FMN2: variants seen among roughly 807,000 people sequenced by gnomAD.
The protein encoded by FMN2 is formin-2.
FMN2 carries 51 observed loss-of-function variants against 142.3 expected under a neutral mutation model. The ratio of observed to expected loss-of-function variants is 0.36; its 90% CI spans 0.29 to 0.45. FMN2 has a LOEUF of 0.45. Among genes scored for constraint, FMN2 ranks in the 20% least tolerant of loss-of-function variants. The pLI is 1.00. For missense variants in FMN2, 1,936 were observed against 2,122.8 expected (o/e 0.91, Z 1.73); for synonymous variants, 882 against 869.8 (o/e 1.01, Z -0.25).
chr1:240,126,364 A>ACCC (rs367989696), intron 2 of FMN2, among the ~76,000 whole-genome samples: 31 of 129,696 alleles, frequency 2.4e-4, no homozygotes, highest in African/African-American at 8.1e-4. Context: ...CTTCCTACCT[A>ACCC]CCCCCCCCCA....
At chr1:240,413,869 C>T (rs1489721575) in intron 15 of FMN2, among the ~76,000 whole-genome samples, 1 of 152,170 alleles carries the variant, frequency 6.6e-6, no homozygotes, top group Non-Finnish European at 1.5e-5. Flanking sequence ...TTGTTCTCTG[C>T]CTTAACAACT....
chr1:240,455,255 G>A (rs1193986974), intron 16 of FMN2, among the ~76,000 whole-genome samples: 1 of 134,794 alleles, frequency 7.4e-6, no homozygotes, highest in African/African-American at 2.7e-5. Flanking sequence ...GCGAGTTTCG[G>A]CCAGGTGTGG....
At chr1:240,140,114 T>G (rs1012888713) in intron 2 of FMN2, among the ~76,000 whole-genome samples, 1 of 151,788 alleles carries the variant, frequency 6.6e-6, no homozygotes, top group Non-Finnish European at 1.5e-5. Context: ...TACTCTCACT[T>G]TCTTTCTTCC....
At chr1:240,377,377 C>T (rs1673082676) in intron 14 of FMN2, among the ~76,000 whole-genome samples, 1 of 151,696 alleles carries the variant, frequency 6.6e-6, no homozygotes, top group Non-Finnish European at 1.5e-5. Context: ...TAGTTTCTGA[C>T]AAGGAATCTA....
intron 13 of FMN2, among the ~76,000 whole-genome samples, chr1:240,337,433 G>T (rs1238283240): frequency 6.6e-6 from 1 of 151,960 alleles, no homozygotes; most frequent in African/African-American, 2.4e-5. Context: ...GGCCAGGCTG[G>T]TCTCGAACTC....
At chr1:240,295,146 A>G (rs1483065976) in intron 8 of FMN2, among the ~76,000 whole-genome samples, 4 of 151,708 alleles carry the variant, frequency 2.6e-5, no homozygotes, top group Admixed American at 6.6e-5. Context: ...AATAGTACTG[A>G]TGTGGGGGCT....
At chr1:240,389,718 G>A (rs546148487) in intron 14 of FMN2, among the ~76,000 whole-genome samples, 2 of 152,268 alleles carry the variant, frequency 1.3e-5, no homozygotes, top group African/African-American at 2.4e-5. Flanking sequence ...TTGAGAGACC[G>A]AGACGGAAGG....
At chr1:240,185,967 T>C (rs750217728) in intron 3 of FMN2, among the ~76,000 whole-genome samples, 5 of 152,206 alleles carry the variant, frequency 3.3e-5, no homozygotes, top group Non-Finnish European at 7.3e-5. Flanking sequence ...TGGTGTTAAG[T>C]TCAGAGTAGA....
chr1:240,293,613 A>G (rs1325050576), intron 7 of FMN2, among the ~76,000 whole-genome samples: 2 of 152,168 alleles, frequency 1.3e-5, no homozygotes, highest in African/African-American at 2.4e-5. Flanking sequence ...GAAACATTAA[A>G]GTTCACGATA....
rs982346467 is a variant in FMN2 at position 240,146,367 on chromosome 1, C to T, written c.1782+23022C>T. On this transcript the variant is annotated intron_variant, in intron 2 of 17. Transcript: ENST00000319653. ...TGAGATTGTGCCACTGCACTCCAGC[C>T]TGGGCGACAGAGCAAGACTCTGTCT... 4.8e-4 allele frequency among the ~76,000 whole-genome samples: 61 copies of T among 125,936 alleles called. 1 individual carries two copies. The highest frequency in any genetic ancestry group is 1.8e-3 in the African/African-American group (59 of 32,090). 82.6% of individuals were successfully genotyped at this position (125,936 alleles called of 152,430 possible).
intron 15 of FMN2, among the ~76,000 whole-genome samples, chr1:240,417,845 C>T (rs1040953237): frequency 1.3e-5 from 2 of 152,124 alleles, no homozygotes; most frequent in African/African-American, 2.4e-5. Flanking sequence ...GAATCTTCTG[C>T]TATAATTGTG....
chr1:240,188,880 A>G (rs1206938057), intron 4 of FMN2, among the ~76,000 whole-genome samples: 1 of 152,196 alleles, frequency 6.6e-6, no homozygotes, highest in Non-Finnish European at 1.5e-5. Flanking sequence ...ATCACATCTT[A>G]TGTGGATGGC....
chr1:240,152,272 C>A (rs1009186845), intron 2 of FMN2, among the ~76,000 whole-genome samples: 1 of 150,544 alleles, frequency 6.6e-6, no homozygotes, highest in Non-Finnish European at 1.5e-5. Flanking sequence ...TCTGTGTGCT[C>A]TTCACTGGAC....
intron 13 of FMN2, among the ~76,000 whole-genome samples, chr1:240,344,665 T>C (rs1423815029): frequency 6.6e-6 from 1 of 152,238 alleles, no homozygotes; most frequent in Non-Finnish European, 1.5e-5. Context: ...CGTTGAATTC[T>C]AAGATTTGAT....
intron 3 of FMN2, among the ~76,000 whole-genome samples, chr1:240,178,329 G>A (rs1302324017): frequency 2.0e-5 from 3 of 151,956 alleles, no homozygotes; most frequent in African/African-American, 7.3e-5. Context: ...CCCCAAGCCT[G>A]GTTTTAAGAA....
At chr1:240,106,886 G>C (rs1383980152) in intron 1 of FMN2, among the ~76,000 whole-genome samples, 1 of 151,628 alleles carries the variant, frequency 6.6e-6, no homozygotes, top group South Asian at 2.1e-4. Context: ...GTTTCACCAT[G>C]TTGGCCAGGC....
intron 2 of FMN2, chr1:240,145,100 A>G: frequency 2.7e-6 from 4 of 1,468,806 alleles, no homozygotes; most frequent in East Asian, 2.3e-5. Context: ...AGACTTGGTC[A>G]CCAAAGTCAT....
intron 16 of FMN2, among the ~76,000 whole-genome samples, chr1:240,438,616 C>T (rs982118119): frequency 3.3e-5 from 5 of 152,194 alleles, no homozygotes; most frequent in South Asian, 2.1e-4. Context: ...CAGTTTACCA[C>T]TCATATCAAA....
rs372731960 is a variant in FMN2 at position 240,410,381 on chromosome 1, C to CA, written c.4910+17823dup. On this transcript the variant is annotated intron_variant, in intron 15 of 17. Coordinates refer to ENST00000319653, the MANE Select transcript of FMN2 (RefSeq NM_020066.5). Reference sequence around the variant, plus strand: ...AAAAATTGAAAATCAGTGACAGCTGCAAAATTGAGACAATTTGCAATAATT... The same window carrying CA: ...AAAAATTGAAAATCAGTGACAGCTGCAAAAATTGAGACAATTTGCAATAATT... 3.8e-3 allele frequency among the ~76,000 whole-genome samples: 576 copies of CA among 152,242 alleles called. 3 individuals carry two copies. Among genetic ancestry groups the CA allele is most frequent in the African/African-American group, 0.013 (540 of 41,564 alleles).
Sources: gnomAD v4.1 joint callset for allele counts (sites outside exome capture counted in the v4.1 genomes callset) on GRCh38, gnomAD v4.1.1 for gene constraint, MANE v1.5 for transcripts, NCBI Gene and HGNC (gene_info 2026-07-23, HGNC 2026-07-21) for gene names.